Variants in GFM2 observed in about 807,000 individuals in gnomAD.
The protein encoded by GFM2 is ribosome-releasing factor 2, mitochondrial.
Under a neutral mutation model 95.4 loss-of-function variants are expected in GFM2, and 72 were observed. The observed-to-expected ratio is 0.76, with a 90% CI of 0.62 to 0.92. The LOEUF is 0.92. Ranked by LOEUF, GFM2 falls within the 40% of genes least tolerant of loss-of-function variation. The probability of loss-of-function intolerance (pLI) is 0.00; values close to 1 mark genes in which losing one functional copy is unlikely to be tolerated. For missense variants in GFM2, 825 were observed against 924.1 expected (o/e 0.89, Z 1.39); for synonymous variants, 276 against 317.5 (o/e 0.87, Z 1.39).
In GFM2 at chr5:74,741,006, A is replaced by G. The variant is rs1743081806; in HGVS notation, c.930+523T>C. 2.0e-5 allele frequency among the ~76,000 whole-genome samples: 3 copies of G among 152,188 alleles called. No individual in the cohort carries two copies. The South Asian group carries it at 6.2e-4, about 31-fold the overall frequency. ...GAAAGTCCCTGGCAGAACAAAACAGAGTTTCCTTCAAGAAATCTGTCATAA... is the reference window on the plus strand; with the variant it reads ...GAAAGTCCCTGGCAGAACAAAACAGGGTTTCCTTCAAGAAATCTGTCATAA... On this transcript the variant is annotated intron_variant, in intron 11 of 20. Transcript: ENST00000296805.
chr5:74,758,760 A>G, intron 5 of GFM2, 89 bp downstream of exon 5: 1 of 764,510 alleles, frequency 1.3e-6, no homozygotes, highest in East Asian at 2.5e-5. Context: ...TGCCATATTC[A>G]AGGTGTGTAA....
In GFM2 at chr5:74,725,531, GAGGCAA is replaced by G. The variant is rs1750105361; in HGVS notation, c.2028+103_2028+108del. 4.7e-6 allele frequency: 3 copies of G among 635,030 alleles called. No homozygotes were observed. In the East Asian group the frequency reaches 8.0e-5, roughly 17 times the overall value. The allele number at this position is 635,030 out of a possible 1,614,324, so 39.3% of individuals were successfully genotyped here. On this transcript the variant is annotated intron_variant, in intron 19 of 20. Transcript: ENST00000296805. ...AACTCTTGTTGACCACAAGGCTGAG[GAGGCAA>G]AGACACAAGATAAGGCTCTGTAAAC...
intron 12 of GFM2, among the ~76,000 whole-genome samples, chr5:74,739,350 T>C (rs1320399164): frequency 6.6e-6 from 1 of 152,162 alleles, no homozygotes; most frequent in Non-Finnish European, 1.5e-5. Flanking sequence ...TTAATTCTTA[T>C]AAGAACACCA....
At chr5:74,749,964 G>A (rs932794306) in intron 7 of GFM2, among the ~76,000 whole-genome samples, 7 of 152,088 alleles carry the variant, frequency 4.6e-5, no homozygotes, top group Non-Finnish European at 1.0e-4. Flanking sequence ...TGTATGATGA[G>A]GTATGTGTGT....
intron 10 of GFM2, among the ~76,000 whole-genome samples, chr5:74,743,237 G>C (rs1743201667): frequency 6.6e-6 from 1 of 152,090 alleles, no homozygotes; most frequent in Non-Finnish European, 1.5e-5. Flanking sequence ...ATATCTCTTT[G>C]AGACTCTTTT....
At chr5:74,731,942 T>A (rs903162016) in intron 16 of GFM2, among the ~76,000 whole-genome samples, 52 of 151,194 alleles carry the variant, frequency 3.4e-4, no homozygotes, top group South Asian at 6.2e-4. Flanking sequence ...AGTGCCAGTT[T>A]TTATTTTATT....
intron 17 of GFM2, 77 bp from the exon 18 acceptor site, chr5:74,726,203 C>T: frequency 1.1e-6 from 1 of 950,218 alleles, no homozygotes; most frequent in East Asian, 2.4e-5. Flanking sequence ...GCAAAATTAT[C>T]ATCAACAAGC....
intron 10 of GFM2, among the ~76,000 whole-genome samples, chr5:74,745,420 T>G (rs935640366): frequency 6.6e-6 from 1 of 152,098 alleles, no homozygotes; most frequent in Non-Finnish European, 1.5e-5. Flanking sequence ...GAGAGAGAGA[T>G]GAACAAAAAA....
chr5:74,761,838 G>A (rs1237328940), intron 2 of GFM2, among the ~76,000 whole-genome samples: 1 of 152,266 alleles, frequency 6.6e-6, no homozygotes, highest in African/African-American at 2.4e-5. Context: ...AATTGTTAGT[G>A]TATGTAATGA....
At chr5:74,754,522 C>A (rs1743881220) in intron 5 of GFM2, among the ~76,000 whole-genome samples, 1 of 152,044 alleles carries the variant, frequency 6.6e-6, no homozygotes, top group Admixed American at 6.6e-5. Context: ...GAAAAAGATA[C>A]CCCATGCTAA....
At chr5:74,741,469 G>A (rs755023698) in intron 11 of GFM2, 60 bp downstream of exon 11, 9 of 790,354 alleles carry the variant, frequency 1.1e-5, no homozygotes, top group Admixed American at 2.4e-5. Flanking sequence ...CAAAGGCAGA[G>A]AAATCAAACT....
At chr5:74,748,779 C>T (rs985231654) in intron 7 of GFM2, among the ~76,000 whole-genome samples, 6 of 151,188 alleles carry the variant, frequency 4.0e-5, no homozygotes, top group African/African-American at 1.5e-4. Context: ...GCACAAGGAT[C>T]GCTTGAACCC....
rs1743696753 is a variant in GFM2, at chr5:74,751,357, T to A, written c.430+11A>T. On this transcript the variant is annotated intron_variant, in intron 6 of 20. Coordinates refer to ENST00000296805, the MANE Select transcript of GFM2 (RefSeq NM_032380.5). ...ACGCAGCATCTCTGTGTTACTGGAA[T>A]CGTACCATACCTGGTGTATCAATTA... The A allele has an allele frequency of 3.7e-6, 6 of 1,608,466 alleles. No individual in the cohort carries two copies. Among genetic ancestry groups the A allele is most frequent in the Non-Finnish European group, 5.1e-6 (6 of 1,177,456 alleles).
chr5:74,754,095 T>A (rs1023898411), intron 5 of GFM2, among the ~76,000 whole-genome samples: 3 of 152,138 alleles, frequency 2.0e-5, no homozygotes, highest in Non-Finnish European at 4.4e-5. Context: ...AACCAAGAAT[T>A]TTGTATCCAG....
intron 11 of GFM2, 34 bp downstream of exon 11, chr5:74,741,495 A>T: frequency 9.5e-7 from 1 of 1,051,704 alleles, no homozygotes; most frequent in Non-Finnish European, 1.4e-6. Flanking sequence ...CAATTAGTAA[A>T]ATTTTGTGAA....
At chr5:74,760,211 ATAC>A (rs1178896209) in intron 3 of GFM2, among the ~76,000 whole-genome samples, 2 of 152,176 alleles carry the variant, frequency 1.3e-5, no homozygotes, top group African/African-American at 2.4e-5. Context: ...AAGATAATCT[ATAC>A]TACTACAGTT....
intron 15 of GFM2, among the ~76,000 whole-genome samples, chr5:74,734,850 G>A (rs35510259): frequency 2.0e-5 from 3 of 152,242 alleles, no homozygotes; most frequent in African/African-American, 7.2e-5. Context: ...TGGGGGCTTA[G>A]GACCCCTGAG....
chr5:74,755,916 C>T (rs1182886862), intron 5 of GFM2, among the ~76,000 whole-genome samples: 1 of 152,046 alleles, frequency 6.6e-6, no homozygotes, highest in Non-Finnish European at 1.5e-5. Context: ...AAAAGGAAAA[C>T]TACAGACCAA....
rs761126406 is a variant in GFM2, at chr5:74,758,934, A to G, written c.219T>C (p.Ile73=). The G allele has an allele frequency of 3.7e-6, 6 of 1,601,524 alleles. No individual in the cohort carries two copies. In the African/African-American group the frequency reaches 6.7e-5, roughly 18 times the overall value. ...INPPIAKIRN[I]GIMAHIDAGK... is the part of the protein sequence containing the mutation. The stretch of plus-strand genomic sequence containing the variant: ...CTGCATCAATATGAGCCATAATTCC[A>G]ATATTACGGATTCTGTTTAAAAGGA... The change falls in exon 5 of 21, where the codon ATT becomes ATC. Residue 73 remains isoleucine, a synonymous_variant. Transcript: ENST00000296805.
Sources: gnomAD v4.1 joint callset for allele counts (sites outside exome capture counted in the v4.1 genomes callset) on GRCh38, gnomAD v4.1.1 for gene constraint, MANE v1.5 for transcripts, NCBI Gene and HGNC (gene_info 2026-07-23, HGNC 2026-07-21) for gene names.